INTS2: variants seen among roughly 807,000 people sequenced by gnomAD.
INTS2 encodes KIAA1287.
INTS2 carries 57 observed loss-of-function variants against 139.6 expected under a neutral mutation model. The ratio of observed to expected loss-of-function variants is 0.41; its 90% CI spans 0.33 to 0.51. INTS2 has a LOEUF of 0.51. Ranked by LOEUF, INTS2 falls within the 20% of genes least tolerant of loss-of-function variation. The pLI is 0.28. For missense variants in INTS2, 1,196 were observed against 1,436.7 expected (o/e 0.83, Z 2.71); for synonymous variants, 473 against 493.4 (o/e 0.96, Z 0.55).
At chr17:61,922,143 A>C (rs2079648054) in intron 3 of INTS2, among the ~76,000 whole-genome samples, 1 of 152,170 alleles carries the variant, frequency 6.6e-6, no homozygotes, top group Non-Finnish European at 1.5e-5. Flanking sequence ...GCTTTAAAAA[A>C]GCCAAGAACA....
rs1447801631 is a variant in INTS2 at position 61,873,885 on chromosome 17, C to T, written c.2582+1028G>A. ...GCCTAATATTCAAGGCCCTCGATAG[C>T]CTGACCCCAATTTAACTTTCCAACT... On this transcript the variant is annotated intron_variant, in intron 19 of 24. Coordinates refer to ENST00000251334, the MANE Select transcript of INTS2 (RefSeq NM_001351695.2). The surrounding 1 kb of genome is among the most constrained non-coding windows in gnomAD (Gnocchi z 4.0). Among the ~76,000 whole-genome samples, 1 of 152,142 alleles carries T rather than the reference C, an allele frequency of 6.6e-6. No individual in the cohort carries two copies.
rs1188306076 is a variant in INTS2, at chr17:61,872,251, T to C, written c.2778+14A>G. 1 of 1,600,950 alleles carries C rather than the reference T, an allele frequency of 6.2e-7. No homozygotes were observed. Among genetic ancestry groups the C allele is most frequent in the African/African-American group, 1.3e-5 (1 of 74,672 alleles). On this transcript the variant is annotated intron_variant, in intron 20 of 24. Coordinates refer to ENST00000251334, the MANE Select transcript of INTS2 (RefSeq NM_001351695.2). This position sits in a 1 kb window ranked among gnomAD's most constrained non-coding sequence, Gnocchi z 4.8. ...TTGCTCTTTTTGACTAAATTTTACT[T>C]TAGCAAAATTTACCTGAGCGGCCAG... is the stretch of plus-strand genomic sequence containing the variant.
At position 61,907,538 on chromosome 17, in the gene INTS2, T is replaced by C; in HGVS notation, c.1051A>G (p.Ile351Val). 1.3e-6 allele frequency: 2 copies of C among 1,594,760 alleles called. No individual in the cohort carries two copies. Among genetic ancestry groups the C allele is most frequent in the Non-Finnish European group, 1.7e-6 (2 of 1,170,342 alleles). ...GILPTVRSTRIVEEADVDMEP... is the reference protein window; with the variant it reads ...GILPTVRSTRVVEEADVDMEP... ...ATATCCACATCAGCTTCTTCCACAA[T>C]TCGGGTGCTTCTTACTGTGGGAAGA... The change falls in exon 8 of 25, where the codon ATT (isoleucine) becomes GTT (valine). Residue 351 changes from isoleucine (I) to valine (V), a missense_variant. This residue lies in a region of INTS2 where 1,129 missense variants were observed against 1,341.9 expected (regional missense o/e 0.84). Transcript: ENST00000251334.
rs907095343 is a variant in INTS2, at chr17:61,872,209, T to C, written c.2778+56A>G. ...AATGTGCCATCTATTGAACTGATTA[T>C]ACTAGTAGAGAAGCCCTTGCTCTTT... On this transcript the variant is annotated intron_variant, in intron 20 of 24. Transcript: ENST00000251334. The surrounding 1 kb of genome is among the most constrained non-coding windows in gnomAD (Gnocchi z 4.8). The C allele has an allele frequency of 3.3e-6, 4 of 1,223,282 alleles. No homozygotes were observed. The highest frequency in any genetic ancestry group is 3.0e-5 in the African/African-American group (2 of 67,446). 75.8% of individuals were successfully genotyped at this position (1,223,282 alleles called of 1,614,324 possible).
At chr17:61,898,539 G>C (rs189116852) in intron 9 of INTS2, among the ~76,000 whole-genome samples, 7 of 152,152 alleles carry the variant, frequency 4.6e-5, no homozygotes, top group Non-Finnish European at 8.8e-5. Flanking sequence ...CAAGTGATAC[G>C]CCTGCCTAAG....
At chr17:61,880,370 T>G (rs2079167022) in intron 17 of INTS2, among the ~76,000 whole-genome samples, 1 of 152,022 alleles carries the variant, frequency 6.6e-6, no homozygotes. Context: ...TTCTAACCAG[T>G]TTAGAACCTT....
chr17:61,924,394 C>G (rs756968585), intron 3 of INTS2, among the ~76,000 whole-genome samples: 8 of 151,672 alleles, frequency 5.3e-5, no homozygotes, highest in Non-Finnish European at 8.8e-5. Flanking sequence ...GGATTCCATA[C>G]GGAAAAAAAT....
At position 61,900,462 on chromosome 17, in the gene INTS2, G is replaced by A. The variant is rs2079393196; in HGVS notation, c.1308-2723C>T. ...CTGGAGCACCATTCTGAAAGTAGGA[G>A]AATTAAGTAAACGATTATACTGCAG... On this transcript the variant is annotated intron_variant, in intron 9 of 24. Coordinates refer to ENST00000251334, the MANE Select transcript of INTS2 (RefSeq NM_001351695.2). Among the ~76,000 whole-genome samples the A allele has an allele frequency of 2.0e-5, 3 of 152,122 alleles. No individual in the cohort carries two copies. The South Asian group carries it at 6.2e-4, about 32-fold the overall frequency.
chr17:61,869,400 G>T lies in INTS2; in HGVS notation c.3031-20C>A. ...ATAACCCTATCTCAACAAGAAACGG[G>T]AAAAAAGTCAGAAATAAAATAACTA... On this transcript the variant is annotated intron_variant, in intron 21 of 24. Transcript: ENST00000251334. The surrounding 1 kb of genome is among the most constrained non-coding windows in gnomAD (Gnocchi z 5.4). The T allele has an allele frequency of 1.4e-6, 2 of 1,439,730 alleles. No individual in the cohort carries two copies. Among genetic ancestry groups the T allele is most frequent in the South Asian group, 1.3e-5 (1 of 79,744 alleles). 89.2% of individuals were successfully genotyped at this position (1,439,730 alleles called of 1,614,324 possible).
Position 61,897,444 on chromosome 17 carries a change from T to A in INTS2, c.1494+25A>T, listed in dbSNP as rs774292506. The A allele has an allele frequency of 4.4e-6, 6 of 1,361,596 alleles. No individual in the cohort carries two copies. The highest frequency in any genetic ancestry group is 3.0e-5 in the African/African-American group (2 of 67,528). The allele number at this position is 1,361,596 out of a possible 1,614,324, so 84.3% of individuals were successfully genotyped here. On this transcript the variant is annotated intron_variant, in intron 11 of 24. Transcript: ENST00000251334. The surrounding 1 kb of genome is among the most constrained non-coding windows in gnomAD (Gnocchi z 4.4). The stretch of plus-strand genomic sequence containing the variant: ...CAGCTTAGAAACACCTTTTTTTTTT[T>A]AGAAAGAAGTTAAAAGAAAATTACC...
chr17:61,925,663 T>C (rs907643085), intron 2 of INTS2, among the ~76,000 whole-genome samples: 9 of 152,152 alleles, frequency 5.9e-5, no homozygotes, highest in Non-Finnish European at 1.0e-4. Flanking sequence ...GGCTTGCTAC[T>C]AGATTCACAA....
chr17:61,911,476 T>C (rs2079525633), intron 7 of INTS2, 44 bp downstream of exon 7: 1 of 1,522,840 alleles, frequency 6.6e-7, no homozygotes, highest in Non-Finnish European at 8.9e-7. Context: ...TAGCAGCTGC[T>C]AAAGTATTCT....
Position 61,867,820 on chromosome 17 carries a change from A to C in INTS2, c.3421+13T>G, listed in dbSNP as rs1270464457. The C allele has an allele frequency of 1.9e-6, 3 of 1,572,052 alleles. No individual in the cohort carries two copies. The highest frequency in any genetic ancestry group is 2.6e-6 in the Non-Finnish European group (3 of 1,162,684). ...GATATTAAGATAACCCTTGAAAATA[A>C]GTTACCACTTACGTGTAATAATTGG... On this transcript the variant is annotated intron_variant, in intron 24 of 24. Transcript: ENST00000251334. This position sits in a 1 kb window ranked among gnomAD's most constrained non-coding sequence, Gnocchi z 5.6.
rs956518267 is a variant in INTS2 at position 61,881,108 on chromosome 17, T to C, written c.2153A>G (p.Asp718Gly). 5.0e-6 allele frequency: 8 copies of C among 1,613,318 alleles called. No homozygotes were observed. Among genetic ancestry groups the C allele is most frequent in the Non-Finnish European group, 6.8e-6 (8 of 1,179,252 alleles). Residue 718 changes from aspartate (D) to glycine (G), a missense_variant, in exon 17 of 25, where the codon GAC (aspartate) becomes GGC (glycine). Around this residue, in one of 3 missense-constraint regions of INTS2, gnomAD observed 1,129 missense variants for 1,341.9 expected, o/e 0.84. Transcript: ENST00000251334. ...TNYPHLCIVD[D>G]WICEEEITGT... ...TGTGATTTCTTCTTCACAAATCCAGTCATCCACAATACATAAATGTGGGTA... is the reference window on the plus strand; with the variant it reads ...TGTGATTTCTTCTTCACAAATCCAGCCATCCACAATACATAAATGTGGGTA...
chr17:61,911,376 A>G, intron 7 of INTS2, 144 bp downstream of exon 7: 3 of 588,118 alleles, frequency 5.1e-6, no homozygotes, highest in Non-Finnish European at 8.1e-6. Flanking sequence ...ATCCTTAGTG[A>G]TTTTTTAAAA....
intron 15 of INTS2, among the ~76,000 whole-genome samples, chr17:61,885,496 C>T (rs1603375163): frequency 6.7e-6 from 1 of 150,332 alleles, no homozygotes; most frequent in East Asian, 1.9e-4. Context: ...CTCACTGCAA[C>T]CTCCGCTTCC....
chr17:61,903,823 G>C (rs1413366944), intron 9 of INTS2, among the ~76,000 whole-genome samples: 1 of 152,070 alleles, frequency 6.6e-6, no homozygotes, highest in Non-Finnish European at 1.5e-5. Flanking sequence ...GACATGTATG[G>C]ATGTGTTTAG....
chr17:61,876,191 T>C lies in INTS2; in HGVS notation c.2457-1153A>G, dbSNP rs2079125388. Among the ~76,000 whole-genome samples, 1 of 151,982 alleles carries C rather than the reference T, an allele frequency of 6.6e-6. No homozygotes were observed. Reference sequence around the variant, plus strand: ...TCTAAAAAGTAAAAATAAAAAATAATTTTTTAAAAAATGAACTAGAATTCC... The same window carrying C: ...TCTAAAAAGTAAAAATAAAAAATAACTTTTTAAAAAATGAACTAGAATTCC... On this transcript the variant is annotated intron_variant, in intron 18 of 24. Coordinates refer to ENST00000251334, the MANE Select transcript of INTS2 (RefSeq NM_001351695.2). This position sits in a 1 kb window ranked among gnomAD's most constrained non-coding sequence, Gnocchi z 4.1.
chr17:61,874,254 CATTT>C (rs775451735), intron 19 of INTS2: 2 of 152,160 alleles, frequency 1.3e-5, no homozygotes, highest in African/African-American at 2.4e-5. Flanking sequence ...TAAGAACATT[CATTT>C]ACCACACCAT....
Sources: allele counts gnomAD v4.1 joint callset (sites outside exome capture counted in the v4.1 genomes callset), GRCh38; gene constraint gnomAD v4.1.1; regional missense constraint gnomAD v4.1.1; non-coding constraint Gnocchi (gnomAD v3.1); transcripts MANE v1.5; gene names NCBI Gene and HGNC (gene_info 2026-07-23, HGNC 2026-07-21).